The following CNNM2 variants were observed in gnomAD, a reference collection of about 807,000 sequenced individuals.
CNNM2 encodes the protein cyclin and CBS domain divalent metal cation transport mediator 2, also known as metal transporter CNNM2.
CNNM2 carries 12 observed loss-of-function variants against 66.9 expected under a neutral mutation model. The observed-to-expected ratio is 0.18, with a 90% CI of 0.11 to 0.29. CNNM2 has a LOEUF of 0.29. CNNM2 is among the 10% of genes least tolerant of loss of function. The probability of loss-of-function intolerance (pLI) is 1.00; values close to 1 mark genes in which losing one functional copy is unlikely to be tolerated. For synonymous variants in CNNM2, 557 were observed against 501.8 expected (o/e 1.11, Z -1.47); for missense variants, 705 against 1,167.7 (o/e 0.60, Z 5.77).
intron 1 of CNNM2, among the ~76,000 whole-genome samples, chr10:103,019,997 C>T (rs1387479312): frequency 6.6e-6 from 1 of 152,130 alleles, no homozygotes; most frequent in Non-Finnish European, 1.5e-5. Context: ...ATTACTCCCC[C>T]ATGGATTCTC....
chr10:102,995,577 G>T (rs944701289), intron 1 of CNNM2, among the ~76,000 whole-genome samples: 18 of 151,888 alleles, frequency 1.2e-4, no homozygotes, highest in Admixed American at 4.6e-4. Context: ...TAGAGTTTTT[G>T]GGGGAAAGTT....
chr10:102,960,829 C>G (rs1456590413), intron 1 of CNNM2, among the ~76,000 whole-genome samples: 1 of 144,908 alleles, frequency 6.9e-6, no homozygotes, highest in African/African-American at 2.6e-5. Context: ...CTCCGTCGCC[C>G]AGGTGGAGCG....
chr10:103,077,013 A>G lies in CNNM2; in HGVS notation c.2461A>G (p.Met821Val). 1 of 1,613,978 alleles carries G rather than the reference A, an allele frequency of 6.2e-7. No individual in the cohort carries two copies. The highest frequency in any genetic ancestry group is 8.5e-7 in the Non-Finnish European group (1 of 1,179,894). Residue 821 changes from methionine (M) to valine (V), a missense_variant, in exon 8 of 8, where the codon ATG becomes GTG. Met to Val is a conservative substitution (Grantham distance 21). Transcript: ENST00000369878. The part of the protein sequence containing the change: ...QYQNALMASR[M>V]DKTPQSSDSE... The stretch of plus-strand genomic sequence containing the variant: ...CCAAAATGCCTTGATGGCATCCCGG[A>G]TGGACAAAACCCCCCAGTCTTCAGA...
intron 4 of CNNM2, among the ~76,000 whole-genome samples, chr10:103,062,560 CTT>C (rs1302140106): frequency 6.6e-6 from 1 of 152,172 alleles, no homozygotes; most frequent in Non-Finnish European, 1.5e-5. Flanking sequence ...GCTTAGAACT[CTT>C]ATATATAACT....
At chr10:102,985,915 C>T (rs532996600) in intron 1 of CNNM2, among the ~76,000 whole-genome samples, 11 of 152,228 alleles carry the variant, frequency 7.2e-5, no homozygotes, top group African/African-American at 2.6e-4. Context: ...AGCTTGGAGA[C>T]CCACAAGTTT....
chr10:102,987,356 T>C (rs781247025), intron 1 of CNNM2, among the ~76,000 whole-genome samples: 9 of 152,172 alleles, frequency 5.9e-5, no homozygotes, highest in Middle Eastern at 3.2e-3. Context: ...AGTCTCGCTC[T>C]GTCACCCAGA....
intron 1 of CNNM2, among the ~76,000 whole-genome samples, chr10:102,997,386 C>T (rs1037258126): frequency 1.3e-5 from 2 of 152,106 alleles, no homozygotes; most frequent in African/African-American, 4.8e-5. Flanking sequence ...ATTGATAGGC[C>T]ATTTTAGTTT....
chr10:102,954,790 G>A (rs547509068), intron 1 of CNNM2, among the ~76,000 whole-genome samples: 2 of 152,244 alleles, frequency 1.3e-5, no homozygotes, highest in East Asian at 3.9e-4. Context: ...GGGACTTCAA[G>A]GGGACTTCAT....
At chr10:103,043,852 T>C (rs2065083651) in intron 1 of CNNM2, among the ~76,000 whole-genome samples, 2 of 152,186 alleles carry the variant, frequency 1.3e-5, no homozygotes, top group South Asian at 4.1e-4. Context: ...TGTAAAACCC[T>C]GTACTCTGAA....
intron 1 of CNNM2, among the ~76,000 whole-genome samples, chr10:103,016,978 CTTT>C (rs74439005): frequency 7.0e-6 from 1 of 142,360 alleles, no homozygotes. Context: ...GTTTTGTTTC[CTTT>C]TTTTTTTTTT....
rs186575575 is a variant in CNNM2 at position 103,076,857 on chromosome 10, G to T, written c.2419-114G>T. The T allele has an allele frequency of 1.0e-3, 984 of 942,250 alleles. 1 individual carries two copies. The highest frequency in any genetic ancestry group is 1.4e-3 in the Non-Finnish European group (863 of 604,436). The allele number at this position is 942,250 out of a possible 1,614,324, so 58.4% of individuals were successfully genotyped here. On this transcript the variant is annotated intron_variant, in intron 7 of 7. Coordinates refer to ENST00000369878, the MANE Select transcript of CNNM2 (RefSeq NM_017649.5). ...AAAGTGGCTCACTGCGCTCAAGTGT[G>T]ATTTTCTCCTAGAGAGGCTGCTGTG...
At position 102,919,062 on chromosome 10, in the gene CNNM2, G is replaced by A. The variant is rs769414285; in HGVS notation, c.582G>A (p.Ser194=). 1.2e-6 allele frequency: 2 copies of A among 1,612,208 alleles called. No homozygotes were observed. The highest frequency in any genetic ancestry group is 1.7e-6 in the Non-Finnish European group (2 of 1,179,416). ...EKSKSYYLCT[S]LSTPALGAGG... ...GCAAGTCCTATTACCTGTGCACGTCGCTCTCCACGCCCGCCCTGGGCGCCG... is the reference window on the plus strand; with the variant it reads ...GCAAGTCCTATTACCTGTGCACGTCACTCTCCACGCCCGCCCTGGGCGCCG... The change falls in exon 1 of 8, where the codon TCG becomes TCA. Residue 194 remains serine, a synonymous_variant. Transcript: ENST00000369878.
intron 4 of CNNM2, among the ~76,000 whole-genome samples, chr10:103,065,114 C>G (rs1018842693): frequency 4.9e-4 from 75 of 152,154 alleles, no homozygotes; most frequent in African/African-American, 1.8e-3. Context: ...TGGCAGTGGT[C>G]TGGAGTTTTG....
At chr10:102,929,469 T>G (rs1564809408) in intron 1 of CNNM2, among the ~76,000 whole-genome samples, 1 of 150,808 alleles carries the variant, frequency 6.6e-6, no homozygotes, top group Non-Finnish European at 1.5e-5. Flanking sequence ...AAAAAGTGAC[T>G]AGTTATTGTA....
At chr10:102,929,252 C>T (rs781035230) in intron 1 of CNNM2, among the ~76,000 whole-genome samples, 6 of 151,698 alleles carry the variant, frequency 4.0e-5, no homozygotes, top group Non-Finnish European at 8.8e-5. Context: ...GAGCGAGACT[C>T]TGTCTCAAAA....
intron 1 of CNNM2, among the ~76,000 whole-genome samples, chr10:102,970,960 G>A (rs1352381924): frequency 6.6e-6 from 1 of 151,730 alleles, no homozygotes; most frequent in African/African-American, 2.4e-5. Context: ...GGAGGCCAAG[G>A]TAGGATAATC....
chr10:103,052,074 A>C (rs1005927485), intron 2 of CNNM2, among the ~76,000 whole-genome samples: 3 of 152,098 alleles, frequency 2.0e-5, no homozygotes, highest in Non-Finnish European at 4.4e-5. Context: ...CAAGAGATGG[A>C]GAACATCCTG....
chr10:103,038,086 C>A (rs1158533115), intron 1 of CNNM2, among the ~76,000 whole-genome samples: 1 of 152,112 alleles, frequency 6.6e-6, no homozygotes, highest in Non-Finnish European at 1.5e-5. Context: ...GCCATTTGCG[C>A]ACCTTAGCCT....
intron 1 of CNNM2, among the ~76,000 whole-genome samples, chr10:102,957,450 T>G (rs1847087321): frequency 6.6e-6 from 1 of 152,080 alleles, no homozygotes; most frequent in Non-Finnish European, 1.5e-5. Flanking sequence ...GTAAATTGGT[T>G]TAGAAGGGAA....
Sources: gnomAD v4.1 joint callset for allele counts (sites outside exome capture counted in the v4.1 genomes callset) on GRCh38, gnomAD v4.1.1 for gene constraint, MANE v1.5 for transcripts, NCBI Gene and HGNC (gene_info 2026-07-23, HGNC 2026-07-21) for gene names.